Variants in MGLL observed in about 807,000 individuals in gnomAD.
MGLL encodes lysophospholipase homolog.
A neutral mutation model predicts 29.1 loss-of-function variants in MGLL; 7 were observed. The observed-to-expected ratio is 0.24, with a 90% CI of 0.14 to 0.45. The LOEUF is 0.45. MGLL is among the 20% of genes least tolerant of loss of function. MGLL has a pLI of 0.99. For synonymous variants in MGLL, 148 were observed against 168.3 expected (o/e 0.88, Z 0.93); for missense variants, 356 against 413.6 (o/e 0.86, Z 1.21).
chr3:127,768,786 T>C (rs2076899450), intron 3 of MGLL, among the ~76,000 whole-genome samples: 1 of 152,134 alleles, frequency 6.6e-6, no homozygotes, highest in Non-Finnish European at 1.5e-5. Flanking sequence ...AGCGCATCAC[T>C]CATGTGTCTA....
At chr3:127,764,983 C>A (rs2076831118) in intron 3 of MGLL, among the ~76,000 whole-genome samples, 1 of 152,176 alleles carries the variant, frequency 6.6e-6, no homozygotes, top group Non-Finnish European at 1.5e-5. Context: ...CCCAGAGTCA[C>A]ATAGCAAATA....
chr3:127,733,313 T>C (rs565432113), intron 3 of MGLL, among the ~76,000 whole-genome samples: 1 of 152,306 alleles, frequency 6.6e-6, no homozygotes, highest in East Asian at 1.9e-4. Context: ...GTTTAGCATA[T>C]CATCAAGAAA....
rs533176259 is a variant in MGLL at position 127,771,652 on chromosome 3, G to A, written c.262+10137C>T. Among the ~76,000 whole-genome samples the A allele has an allele frequency of 3.3e-5, 5 of 152,210 alleles. No individual in the cohort carries two copies. The East Asian group carries it at 5.8e-4, about 18-fold the overall frequency. ...ATTACAGGTGTGAGCCACCAAGCCC[G>A]GCCTTCTCCATTTAGCTTTAAACGT... On this transcript the variant is annotated intron_variant, in intron 3 of 7. Transcript: ENST00000265052.
intron 3 of MGLL, among the ~76,000 whole-genome samples, chr3:127,775,758 A>C (rs890657080): frequency 6.6e-6 from 1 of 152,220 alleles, no homozygotes; most frequent in Non-Finnish European, 1.5e-5. Context: ...TTAGGAAGTC[A>C]GGAGGCTGCT....
chr3:127,736,473 A>G (rs1009755308), intron 3 of MGLL: 9 of 485,798 alleles, frequency 1.9e-5, no homozygotes, highest in Non-Finnish European at 2.4e-5. Flanking sequence ...TGCCCTGGAG[A>G]CTTCAGCTTC....
At chr3:127,763,590 C>T (rs2076803191) in intron 3 of MGLL, among the ~76,000 whole-genome samples, 1 of 152,240 alleles carries the variant, frequency 6.6e-6, no homozygotes, top group African/African-American at 2.4e-5. Context: ...GTGGGGACAT[C>T]TCCCTGGAGC....
chr3:127,797,796 A>G (rs2077409789), intron 2 of MGLL, among the ~76,000 whole-genome samples: 1 of 152,080 alleles, frequency 6.6e-6, no homozygotes, highest in Non-Finnish European at 1.5e-5. Flanking sequence ...TTGTAGAGAC[A>G]GGGTTTCACC....
At chr3:127,816,798 G>A (rs942889447) in intron 2 of MGLL, among the ~76,000 whole-genome samples, 1 of 152,238 alleles carries the variant, frequency 6.6e-6, no homozygotes, top group African/African-American at 2.4e-5. Flanking sequence ...CCACTCCCGG[G>A]AGCAAGGGAA....
At chr3:127,781,989 G>A in intron 2 of MGLL, 94 bp from the exon 3 acceptor site, 1 of 1,174,896 alleles carries the variant, frequency 8.5e-7, no homozygotes, top group East Asian at 2.5e-5. Flanking sequence ...GGGAGGCCGG[G>A]GCGGGCGGAT....
chr3:127,802,348 T>A (rs1041210409), intron 2 of MGLL, among the ~76,000 whole-genome samples: 16 of 152,242 alleles, frequency 1.1e-4, no homozygotes, highest in African/African-American at 3.9e-4. Flanking sequence ...GTCAGCAGCC[T>A]GACAGCCCTG....
At chr3:127,706,696 C>T (rs2075609403) in intron 6 of MGLL, among the ~76,000 whole-genome samples, 1 of 152,090 alleles carries the variant, frequency 6.6e-6, no homozygotes, top group African/African-American at 2.4e-5. Context: ...CTCAAATAGA[C>T]AAGTATATGC....
intron 3 of MGLL, among the ~76,000 whole-genome samples, chr3:127,728,306 TATCCATCC>T (rs35156008): frequency 1.1e-4 from 16 of 152,098 alleles, no homozygotes; most frequent in African/African-American, 2.9e-4. Flanking sequence ...ACTACCTGTT[TATCCATCC>T]ATCCATCCAT....
intron 2 of MGLL, among the ~76,000 whole-genome samples, chr3:127,811,053 C>T (rs2107750786): frequency 6.7e-6 from 1 of 149,284 alleles, no homozygotes; most frequent in Non-Finnish European, 1.5e-5. Flanking sequence ...CTAACTCCTT[C>T]GGTGATACTT....
chr3:127,714,410 G>T (rs1336727162), intron 5 of MGLL, among the ~76,000 whole-genome samples: 2 of 152,202 alleles, frequency 1.3e-5, no homozygotes, highest in South Asian at 4.1e-4. Flanking sequence ...AGCCACCCTC[G>T]CTCCCCTAAA....
At chr3:127,808,267 A>G (rs193278462) in intron 2 of MGLL, among the ~76,000 whole-genome samples, 2 of 152,324 alleles carry the variant, frequency 1.3e-5, no homozygotes, top group Admixed American at 1.3e-4. Flanking sequence ...GTCTGGCAAC[A>G]TGACCAGGAA....
At position 127,692,186 on chromosome 3, in the gene MGLL, C is replaced by T. The variant is rs576476730; in HGVS notation, c.*12G>A. On this transcript the variant is annotated 3_prime_UTR_variant, in exon 8 of 8. Transcript: ENST00000265052. ...ATCCCCCAGACCATGAGCCGGGCACCGGCCAATGCATTCAGGGTGGGGACG... is the reference window on the plus strand; with the variant it reads ...ATCCCCCAGACCATGAGCCGGGCACTGGCCAATGCATTCAGGGTGGGGACG... The T allele has an allele frequency of 1.7e-5, 28 of 1,612,230 alleles. No homozygotes were observed. Among genetic ancestry groups the T allele is most frequent in the Middle Eastern group, 1.7e-4 (1 of 6,038 alleles).
chr3:127,776,854 C>T (rs770241696), intron 3 of MGLL, among the ~76,000 whole-genome samples: 17 of 152,316 alleles, frequency 1.1e-4, no homozygotes, highest in Admixed American at 3.9e-4. Context: ...ACTTCCTGCT[C>T]AGTCCAGGAA....
At chr3:127,716,865 C>T (rs1400710909) in intron 5 of MGLL, among the ~76,000 whole-genome samples, 1 of 152,162 alleles carries the variant, frequency 6.6e-6, no homozygotes, top group Non-Finnish European at 1.5e-5. Context: ...CAGGGTTGCC[C>T]CAGATTTTCT....
intron 3 of MGLL, among the ~76,000 whole-genome samples, chr3:127,746,585 C>T (rs541825677): frequency 2.0e-5 from 3 of 152,174 alleles, no homozygotes; most frequent in Non-Finnish European, 4.4e-5. Flanking sequence ...CTGTCTGGAA[C>T]CAGTTATGTT....
Sources: allele counts gnomAD v4.1 joint callset (sites outside exome capture counted in the v4.1 genomes callset), GRCh38; gene constraint gnomAD v4.1.1; transcripts MANE v1.5; gene names NCBI Gene and HGNC (gene_info 2026-07-23, HGNC 2026-07-21).